RGS7: variants seen among roughly 807,000 people sequenced by gnomAD.
RGS7 encodes regulator of G-protein signaling 7.
A neutral mutation model predicts 81.1 loss-of-function variants in RGS7; 27 were observed. That is an observed-to-expected ratio of 0.33 (90% CI 0.25 to 0.46). The LOEUF (loss-of-function observed/expected upper bound fraction) is 0.46, where lower values mean the gene tolerates loss of function less well. RGS7 is among the 20% of genes least tolerant of loss of function. The probability of loss-of-function intolerance (pLI) is 1.00; values close to 1 mark genes in which losing one functional copy is unlikely to be tolerated. For synonymous variants in RGS7, 208 were observed against 207.7 expected (o/e 1.00, Z -0.01); for missense variants, 396 against 607.4 (o/e 0.65, Z 3.66).
At chr1:240,827,194 G>C (rs778097335) in intron 9 of RGS7, 22 bp from the exon 10 acceptor site, 1 of 1,581,226 alleles carries the variant, frequency 6.3e-7, no homozygotes, top group South Asian at 1.1e-5. Context: ...AAAACAGAGA[G>C]ACAAATGAAT....
At chr1:240,785,567 T>C (rs1684927966) in intron 18 of RGS7, among the ~76,000 whole-genome samples, 1 of 152,224 alleles carries the variant, frequency 6.6e-6, no homozygotes, top group Admixed American at 6.5e-5. Context: ...GCTCCTTGGC[T>C]GCAAATCTCA....
intron 6 of RGS7, among the ~76,000 whole-genome samples, chr1:240,914,764 A>G (rs1264530047): frequency 6.6e-6 from 1 of 152,188 alleles, no homozygotes; most frequent in African/African-American, 2.4e-5. Context: ...AGAAAAAAAA[A>G]GCTGAAGAAG....
intron 14 of RGS7, among the ~76,000 whole-genome samples, 166 bp from the exon 15 acceptor site, chr1:240,806,492 C>T (rs1020501083): frequency 2.0e-5 from 3 of 149,992 alleles, no homozygotes; most frequent in Non-Finnish European, 4.4e-5. Flanking sequence ...GGATAATCTT[C>T]TTTGGAAGAT....
At position 240,876,067 on chromosome 1, in the gene RGS7, G is replaced by A. The variant is rs117984288; in HGVS notation, c.386-5948C>T. ...CACACAGGGTTTAGATGATGCCTAA[G>A]AGAAACATTCACACATTTTATTTTT... On this transcript the variant is annotated intron_variant, in intron 6 of 18. Transcript: ENST00000440928. Among the ~76,000 whole-genome samples, 48 of 152,266 alleles carry A rather than the reference G, an allele frequency of 3.2e-4. No homozygotes were observed. In the East Asian group the frequency reaches 8.5e-3, roughly 27 times the overall value.
chr1:240,809,167 T>C (rs571857982), intron 14 of RGS7, among the ~76,000 whole-genome samples: 2 of 152,312 alleles, frequency 1.3e-5, no homozygotes, highest in South Asian at 4.1e-4. Context: ...ACTTGCTCTA[T>C]GCTATGTGTT....
At chr1:241,139,295 T>TTTCCTTCC (rs140713971) in intron 2 of RGS7, among the ~76,000 whole-genome samples, 60 of 150,284 alleles carry the variant, frequency 4.0e-4, no homozygotes, top group African/African-American at 1.4e-3. Flanking sequence ...TCCTTCCTTC[T>TTTCCTTCC]TTCCTTCCTT....
chr1:241,042,261 A>G (rs1396856175), intron 3 of RGS7, among the ~76,000 whole-genome samples: 2 of 147,872 alleles, frequency 1.4e-5, no homozygotes, highest in Non-Finnish European at 3.1e-5. Context: ...AGGTCATATA[A>G]AAAGGGATTA....
chr1:241,224,137 T>A (rs140082344), intron 2 of RGS7, among the ~76,000 whole-genome samples: 2,592 of 152,160 alleles, frequency 0.017, 77 homozygotes, highest in African/African-American at 0.06. Context: ...GGGGTACATG[T>A]GCAGAACATG....
chr1:240,944,282 G>GTATATATATA (rs760788169), intron 4 of RGS7, among the ~76,000 whole-genome samples: 5 of 55,814 alleles, frequency 9.0e-5, no homozygotes, highest in African/African-American at 3.4e-4. Context: ...GTGTGTGTGT[G>GTATATATATA]TATATATATA....
chr1:241,352,660 G>T (rs2083319089), intron 2 of RGS7, among the ~76,000 whole-genome samples: 1 of 152,178 alleles, frequency 6.6e-6, no homozygotes, highest in Non-Finnish European at 1.5e-5. Flanking sequence ...CTTCAATAGG[G>T]TGATATCCAC....
chr1:241,159,457 T>C (rs557123810), intron 2 of RGS7, among the ~76,000 whole-genome samples: 1 of 152,300 alleles, frequency 6.6e-6, no homozygotes, highest in Non-Finnish European at 1.5e-5. Flanking sequence ...GTAGGAACTT[T>C]CCAAATTCTC....
chr1:241,220,840 G>A (rs1160710175), intron 2 of RGS7, among the ~76,000 whole-genome samples: 3 of 151,730 alleles, frequency 2.0e-5, no homozygotes, highest in South Asian at 2.1e-4. Context: ...GTTTGAGGCC[G>A]CAGTGAGCTA....
chr1:241,206,230 C>CTTTTT (rs35296035), intron 2 of RGS7, among the ~76,000 whole-genome samples: 1 of 135,942 alleles, frequency 7.4e-6, no homozygotes, highest in Non-Finnish European at 1.6e-5. Flanking sequence ...AAAGAATGAA[C>CTTTTT]TTTTTTTTTT....
chr1:241,219,684 G>T (rs370459677), intron 2 of RGS7, among the ~76,000 whole-genome samples: 5 of 152,100 alleles, frequency 3.3e-5, no homozygotes, highest in African/African-American at 1.2e-4. Context: ...TACCACCTTT[G>T]TATGTTTGCA....
In RGS7 at chr1:241,087,966, CTCTCTCTCTCTA is replaced by C. The variant is rs1473241075; in HGVS notation, c.175+10688_175+10699del. Among the ~76,000 whole-genome samples, 128 of 86,726 alleles carry C rather than the reference CTCTCTCTCTCTA, an allele frequency of 1.5e-3. 1 individual carries two copies. The highest frequency in any genetic ancestry group is 5.3e-3 in the African/African-American group (123 of 23,282). The allele number at this position is 86,726 out of a possible 152,430, so 56.9% of individuals were successfully genotyped here. ...TCCATCTCTCTCTCTCTCTCTCTCT[CTCTCTCTCTCTA>C]TATATATATATATATATACACACAC... On this transcript the variant is annotated intron_variant, in intron 3 of 18. Coordinates refer to ENST00000440928, the MANE Select transcript of RGS7 (RefSeq NM_001364886.1).
At chr1:241,127,794 G>GT in intron 2 of RGS7, among the ~76,000 whole-genome samples, 1 of 152,274 alleles carries the variant, frequency 6.6e-6, no homozygotes, top group South Asian at 2.1e-4. Context: ...GTATATAGAT[G>GT]TATGTATTTG....
chr1:240,790,788 C>T (rs1685867621), intron 18 of RGS7, among the ~76,000 whole-genome samples: 1 of 152,108 alleles, frequency 6.6e-6, no homozygotes. Context: ...GAAATAGGGA[C>T]CTCTAAGTTC....
intron 6 of RGS7, among the ~76,000 whole-genome samples, chr1:240,881,370 A>G (rs261841): frequency 0.75 from 110,640 of 147,026 alleles, 41,982 homozygotes; most frequent in Middle Eastern, 0.84. Flanking sequence ...GGCTAGGGGA[A>G]GGATAGTATT....
chr1:241,227,867 T>C (rs2075412611), intron 2 of RGS7, among the ~76,000 whole-genome samples: 1 of 152,226 alleles, frequency 6.6e-6, no homozygotes, highest in South Asian at 2.1e-4. Context: ...TATTGTGTTT[T>C]CTGAAGGTAG....
Sources: allele counts gnomAD v4.1 joint callset (sites outside exome capture counted in the v4.1 genomes callset), GRCh38; gene constraint gnomAD v4.1.1; transcripts MANE v1.5; gene names NCBI Gene and HGNC (gene_info 2026-07-23, HGNC 2026-07-21).